Variants in MAD1L1 observed in about 807,000 individuals in gnomAD.
The protein encoded by MAD1L1 is mitotic spindle assembly checkpoint protein MAD1.
Under a neutral mutation model 96.9 loss-of-function variants are expected in MAD1L1, and 95 were observed. The ratio of observed to expected loss-of-function variants is 0.98; its 90% confidence interval spans 0.83 to 1.16. The LOEUF (loss-of-function observed/expected upper bound fraction) is 1.16, where lower values mean the gene tolerates loss of function less well. MAD1L1 is among the 50% of genes most tolerant of loss of function. The pLI is 0.00. For missense variants in MAD1L1, 1,007 were observed against 954.4 expected, an observed-to-expected ratio of 1.06 and a Z score of -0.73; for synonymous variants, 473 against 396.6, an observed-to-expected ratio of 1.19 and a Z score of -2.29.
At chr7:2,116,680 T>C (rs1399249355) in intron 11 of MAD1L1, among the ~76,000 whole-genome samples, 1 of 151,736 alleles carries the variant, frequency 6.6e-6, no homozygotes, top group Non-Finnish European at 1.5e-5. Flanking sequence ...TCCATCGGAC[T>C]GGAGCAGAAA....
chr7:2,052,249 T>A (rs904243454), intron 12 of MAD1L1, among the ~76,000 whole-genome samples: 1 of 152,184 alleles, frequency 6.6e-6, no homozygotes, highest in African/African-American at 2.4e-5. Flanking sequence ...CATGACTCCA[T>A]ATGCCAACAG....
chr7:2,097,147 G>T (rs73034437), intron 11 of MAD1L1, among the ~76,000 whole-genome samples: 2 of 151,834 alleles, frequency 1.3e-5, no homozygotes, highest in African/African-American at 4.8e-5. Context: ...CCCAGGCACA[G>T]GCTCACCCTA....
At chr7:1,953,166 G>A (rs1024509196) in intron 16 of MAD1L1, among the ~76,000 whole-genome samples, 3 of 152,170 alleles carry the variant, frequency 2.0e-5, no homozygotes, top group Admixed American at 1.3e-4. Context: ...CCAGGGACAC[G>A]GACCAGGGAT....
intron 10 of MAD1L1, among the ~76,000 whole-genome samples, chr7:2,153,277 C>G (rs1373189786): frequency 6.6e-6 from 1 of 152,122 alleles, no homozygotes; most frequent in African/African-American, 2.4e-5. Context: ...AAATATCTGT[C>G]AACTCTTCGG....
At chr7:1,962,556 T>A (rs1779996831) in intron 15 of MAD1L1, among the ~76,000 whole-genome samples, 2 of 152,232 alleles carry the variant, frequency 1.3e-5, no homozygotes, top group Admixed American at 1.3e-4. Context: ...GCAAATAATC[T>A]GATAAAGGCC....
chr7:2,030,071 G>A (rs749166440), intron 12 of MAD1L1, among the ~76,000 whole-genome samples: 4 of 152,188 alleles, frequency 2.6e-5, no homozygotes, highest in Non-Finnish European at 1.5e-5. Flanking sequence ...GATGGAAATC[G>A]AGTCTTTGGC....
At chr7:1,891,477 A>C (rs12669956) in intron 18 of MAD1L1, among the ~76,000 whole-genome samples, 45,365 of 152,028 alleles carry the variant, frequency 0.3, 8,144 homozygotes, top group East Asian at 0.45. Flanking sequence ...AGTGAGCCGA[A>C]ATCGCGCCAC....
intron 10 of MAD1L1, among the ~76,000 whole-genome samples, chr7:2,173,607 G>A (rs548877521): frequency 1.3e-5 from 2 of 152,260 alleles, no homozygotes; most frequent in African/African-American, 2.4e-5. Flanking sequence ...CTCGTCTTTG[G>A]GGAGACTTTC....
At chr7:2,178,753 C>T (rs962673172) in intron 10 of MAD1L1, among the ~76,000 whole-genome samples, 3 of 151,916 alleles carry the variant, frequency 2.0e-5, no homozygotes, top group Non-Finnish European at 2.9e-5. Context: ...AAAAATTAGC[C>T]GGGTGTGGTG....
At chr7:2,105,441 CG>C (rs1787038229) in intron 11 of MAD1L1, among the ~76,000 whole-genome samples, 1 of 2,626 alleles carries the variant, frequency 3.8e-4, no homozygotes, top group Non-Finnish European at 6.5e-4. Context: ...GTGGGCTCCA[CG>C]GGAGGGTGGG....
chr7:1,825,820 G>T (rs1274304512), intron 18 of MAD1L1, among the ~76,000 whole-genome samples: 2 of 152,282 alleles, frequency 1.3e-5, no homozygotes, highest in South Asian at 4.1e-4. Context: ...GCTGCTGGGG[G>T]TTAGAGGTCA....
intron 12 of MAD1L1, among the ~76,000 whole-genome samples, chr7:2,019,872 C>G (rs947693849): frequency 6.6e-6 from 1 of 152,368 alleles, no homozygotes; most frequent in African/African-American, 2.4e-5. Context: ...TCCCTCGCTT[C>G]TCTTTCCTGG....
At chr7:2,113,720 G>A (rs1022386378) in intron 11 of MAD1L1, among the ~76,000 whole-genome samples, 1 of 152,220 alleles carries the variant, frequency 6.6e-6, no homozygotes, top group African/African-American at 2.4e-5. Context: ...ACCCGCAACA[G>A]AACATGGTGA....
chr7:1,897,131 C>A (rs936827683), intron 18 of MAD1L1, among the ~76,000 whole-genome samples: 2 of 152,174 alleles, frequency 1.3e-5, no homozygotes, highest in Non-Finnish European at 2.9e-5. Context: ...TGAAGACGGG[C>A]GGGTTGTGCA....
chr7:1,824,398 G>T (rs112341886), intron 18 of MAD1L1, among the ~76,000 whole-genome samples: 1 of 152,146 alleles, frequency 6.6e-6, no homozygotes, highest in Non-Finnish European at 1.5e-5. Flanking sequence ...GAAGACTAAC[G>T]AAGTCAGGTG....
Position 1,916,419 on chromosome 7 carries a change from C to T in MAD1L1, c.1808-18029G>A, listed in dbSNP as rs1297105087. The stretch of plus-strand genomic sequence containing the variant: ...TGTGGTCCGTCTGTGCTAGGCAGCA[C>T]GCTGGGCAGTACAGAAAGAGGAGCA... On this transcript the variant is annotated intron_variant, in intron 17 of 18. Transcript: ENST00000265854. Among the ~76,000 whole-genome samples, 5 of 152,248 alleles carry T rather than the reference C, an allele frequency of 3.3e-5. No individual in the cohort carries two copies. In the East Asian group the frequency reaches 7.7e-4, roughly 23 times the overall value.
intron 18 of MAD1L1, among the ~76,000 whole-genome samples, chr7:1,880,807 G>A (rs1420321930): frequency 1.3e-5 from 2 of 152,244 alleles, no homozygotes; most frequent in Non-Finnish European, 2.9e-5. Flanking sequence ...TGGGGAGCCT[G>A]GGATCCAGAA....
chr7:2,036,739 G>T (rs1335926235), intron 12 of MAD1L1, among the ~76,000 whole-genome samples: 1 of 152,080 alleles, frequency 6.6e-6, no homozygotes, highest in African/African-American at 2.4e-5. Flanking sequence ...CAGGGCTCCT[G>T]ATCAGAGGTG....
At position 1,898,370 on chromosome 7, in the gene MAD1L1, T is replaced by A. The variant is rs1167682984; in HGVS notation, c.1828A>T (p.Ser610Cys). 1.9e-6 allele frequency: 3 copies of A among 1,613,690 alleles called. No homozygotes were observed. The Admixed American group carries it at 5.0e-5, about 27-fold the overall frequency. The part of the protein sequence containing the change: ...EVAELKKQVE[S>C]AELKNQRLKE... Reference sequence around the variant, plus strand: ...AGCCGCTGGTTCTTCAGCTCGGCACTCTCCACCTGCTTCTTCAGCTCTGCG... The same window carrying A: ...AGCCGCTGGTTCTTCAGCTCGGCACACTCCACCTGCTTCTTCAGCTCTGCG... Residue 610 changes from serine to cysteine, a missense_variant, in exon 18 of 19, where the codon AGT (serine) becomes TGT (cysteine). Ser to Cys is a moderately radical substitution (Grantham distance 112). Transcript: ENST00000265854.
Sources: gnomAD v4.1 joint callset for allele counts (sites outside exome capture counted in the v4.1 genomes callset) on GRCh38, gnomAD v4.1.1 for gene constraint, MANE v1.5 for transcripts, NCBI Gene and HGNC (gene_info 2026-07-23, HGNC 2026-07-21) for gene names.